The following FBLN5 variants were observed in gnomAD, a reference collection of about 807,000 sequenced individuals.
The protein encoded by FBLN5 is fibulin-5.
FBLN5 carries 24 observed loss-of-function variants against 61.6 expected under a neutral mutation model. The ratio of observed to expected loss-of-function variants is 0.39; its 90% confidence interval spans 0.28 to 0.55. The LOEUF is 0.55. Ranked by LOEUF, FBLN5 falls within the 20% of genes least tolerant of loss-of-function variation. The probability of loss-of-function intolerance (pLI) is 0.65; values close to 1 mark genes in which losing one functional copy is unlikely to be tolerated. For synonymous variants in FBLN5, 213 were observed against 219.8 expected, an observed-to-expected ratio of 0.97 and a Z score of 0.27; for missense variants, 470 against 594.1, an observed-to-expected ratio of 0.79 and a Z score of 2.17.
intron 5 of FBLN5, 82 bp downstream of exon 5, chr14:91,894,868 G>A: frequency 9.7e-7 from 1 of 1,034,172 alleles, no homozygotes; most frequent in Non-Finnish European, 1.4e-6. Context: ...CCCTCAGGCA[G>A]CCAGCTATGC....
intron 4 of FBLN5, among the ~76,000 whole-genome samples, chr14:91,918,841 G>A (rs2055674495): frequency 6.6e-6 from 1 of 152,164 alleles, no homozygotes. Flanking sequence ...AACAGGACAC[G>A]AAGCTTTAAT....
At chr14:91,946,518 G>GCACA (rs34059355) in intron 1 of FBLN5, among the ~76,000 whole-genome samples, 8 of 149,480 alleles carry the variant, frequency 5.4e-5, no homozygotes, top group Admixed American at 2.0e-4. Flanking sequence ...TTAGTTTTCA[G>GCACA]CACACACACA....
intron 4 of FBLN5, among the ~76,000 whole-genome samples, chr14:91,928,742 A>C (rs1231751142): frequency 1.3e-5 from 2 of 151,476 alleles, no homozygotes; most frequent in African/African-American, 4.9e-5. Context: ...ACTGTAATCC[A>C]TCCAGCTTGG....
At chr14:91,891,561 C>T (rs1889999149) in intron 5 of FBLN5, among the ~76,000 whole-genome samples, 1 of 152,170 alleles carries the variant, frequency 6.6e-6, no homozygotes, top group Non-Finnish European at 1.5e-5. Flanking sequence ...ATCTCAGTCC[C>T]ATAAATACCT....
Position 91,869,867 on chromosome 14 carries a change from G to A in FBLN5, c.*357C>T. ...GAGTGGAAGAGGTGAAGAAGTGACAGCAAGCTGTTCACAGTCTTTGAACAT... is the reference window on the plus strand; with the variant it reads ...GAGTGGAAGAGGTGAAGAAGTGACAACAAGCTGTTCACAGTCTTTGAACAT... On this transcript the variant is annotated 3_prime_UTR_variant, in exon 11 of 11. Coordinates refer to ENST00000342058, the MANE Select transcript of FBLN5 (RefSeq NM_006329.4). 2.9e-6 allele frequency: 1 copy of A among 342,996 alleles called. No homozygotes were observed. The highest frequency in any genetic ancestry group is 5.7e-6 in the Non-Finnish European group (1 of 174,822). The allele number at this position is 342,996 out of a possible 1,614,324, so 21.2% of individuals were successfully genotyped here. A position where few individuals can be genotyped will look rare whatever the true frequency, so the allele number is the denominator to read the frequency against.
intron 10 of FBLN5, among the ~76,000 whole-genome samples, chr14:91,876,401 T>C (rs1349911505): frequency 6.6e-6 from 1 of 152,208 alleles, no homozygotes; most frequent in African/African-American, 2.4e-5. Flanking sequence ...CTGGGTGCAG[T>C]ATGCTGGGTA....
intron 10 of FBLN5, chr14:91,873,373 T>G (rs1430282469): frequency 6.6e-6 from 1 of 152,356 alleles, no homozygotes. Context: ...ATGCTCTAAG[T>G]AGGTTAGGGA....
rs867602770 is a variant in FBLN5, at chr14:91,934,026, C to T, written c.379+2921G>A. Among the ~76,000 whole-genome samples the T allele has an allele frequency of 7.9e-5, 12 of 152,064 alleles. No individual in the cohort carries two copies. In the South Asian group the frequency reaches 2.5e-3, roughly 32 times the overall value. ...ACTTGGGAGGCTGAAATGAGAGGAT[C>T]ACTTGAGCCCAGGAGGCAGAGGTTG... On this transcript the variant is annotated intron_variant, in intron 4 of 10. Coordinates refer to ENST00000342058, the MANE Select transcript of FBLN5 (RefSeq NM_006329.4).
chr14:91,895,456 G>A (rs1890182882), intron 4 of FBLN5, among the ~76,000 whole-genome samples: 1 of 152,134 alleles, frequency 6.6e-6, no homozygotes, highest in Non-Finnish European at 1.5e-5. Context: ...CGTACCTACT[G>A]TGTGCACAGG....
At chr14:91,899,468 G>T (rs1890368928) in intron 4 of FBLN5, among the ~76,000 whole-genome samples, 1 of 152,332 alleles carries the variant, frequency 6.6e-6, no homozygotes, top group South Asian at 2.1e-4. Context: ...CCAGGAAGAA[G>T]TCGTCATCTG....
chr14:91,887,115 A>C, intron 7 of FBLN5, 78 bp downstream of exon 7: 1 of 1,509,682 alleles, frequency 6.6e-7, no homozygotes, highest in Non-Finnish European at 9.2e-7. Context: ...GGAAACACCT[A>C]TGAAGGAAGC....
chr14:91,894,823 C>CA, intron 5 of FBLN5, 127 bp downstream of exon 5: 3 of 415,098 alleles, frequency 7.2e-6, no homozygotes, highest in South Asian at 1.7e-5. Flanking sequence ...AGCCTTCCAC[C>CA]CCTCCCGCCC....
At chr14:91,913,496 T>C (rs1375155824) in intron 4 of FBLN5, among the ~76,000 whole-genome samples, 1 of 152,222 alleles carries the variant, frequency 6.6e-6, no homozygotes, top group Non-Finnish European at 1.5e-5. Flanking sequence ...ACCCACTCAG[T>C]GCCTGTTTTC....
chr14:91,895,151 A>C, intron 4 of FBLN5, 79 bp from the exon 5 acceptor site: 1 of 1,575,148 alleles, frequency 6.3e-7, no homozygotes, highest in Admixed American at 1.7e-5. Context: ...CCAGTGGCTC[A>C]TCTTGGCTGG....
intron 4 of FBLN5, among the ~76,000 whole-genome samples, chr14:91,896,537 T>A (rs1890233928): frequency 6.6e-6 from 1 of 152,214 alleles, no homozygotes; most frequent in Non-Finnish European, 1.5e-5. Context: ...TTACTTGTAT[T>A]TACTCTCACA....
At chr14:91,885,128 G>A (rs1408291558) in intron 7 of FBLN5, among the ~76,000 whole-genome samples, 1 of 152,188 alleles carries the variant, frequency 6.6e-6, no homozygotes, top group African/African-American at 2.4e-5. Flanking sequence ...GGTTAAGTAG[G>A]AAGGTGCAGA....
intron 4 of FBLN5, among the ~76,000 whole-genome samples, chr14:91,926,230 G>A (rs1459431956): frequency 2.6e-5 from 4 of 152,028 alleles, no homozygotes; most frequent in East Asian, 3.9e-4. Flanking sequence ...GCCTGCCCTC[G>A]GTGCCCACAC....
intron 5 of FBLN5, among the ~76,000 whole-genome samples, chr14:91,892,012 G>T (rs369794642): frequency 6.6e-6 from 1 of 152,202 alleles, no homozygotes; most frequent in African/African-American, 2.4e-5. Flanking sequence ...TAAAACTCTG[G>T]ATAAACACAT....
chr14:91,912,819 A>C (rs1015155529), intron 4 of FBLN5, among the ~76,000 whole-genome samples: 23 of 151,888 alleles, frequency 1.5e-4, no homozygotes, highest in Non-Finnish European at 2.8e-4. Context: ...CAAAAAAAAA[A>C]AAAAAAAGCA....
Sources: allele counts gnomAD v4.1 joint callset (sites outside exome capture counted in the v4.1 genomes callset), GRCh38; gene constraint gnomAD v4.1.1; transcripts MANE v1.5; gene names NCBI Gene and HGNC (gene_info 2026-07-23, HGNC 2026-07-21).